Variants in RAB38 observed in about 807,000 individuals in gnomAD.
RAB38 encodes the protein ras-related protein Rab-38.
A neutral mutation model predicts 18.4 loss-of-function variants in RAB38; 15 were observed. The ratio of observed to expected loss-of-function variants is 0.82; its 90% CI spans 0.55 to 1.26. The LOEUF (loss-of-function observed/expected upper bound fraction) is 1.26. RAB38 is among the 50% of genes most tolerant of loss of function. The pLI is 0.00. For missense variants in RAB38, 294 were observed against 267.4 expected (o/e 1.10, Z -0.69); for synonymous variants, 101 against 104.4 (o/e 0.97, Z 0.20).
At chr11:88,052,925 T>TGTATATTTC in the RAB38 span, among the ~76,000 whole-genome samples, 1 of 25,084 alleles carries the variant, frequency 4.0e-5, no homozygotes, top group African/African-American at 2.4e-4. Flanking sequence ...TATATATATA[T>TGTATATTTC]ATATATATAT....
chr11:87,868,108 A>G, the RAB38 span, among the ~76,000 whole-genome samples: 1 of 151,686 alleles, frequency 6.6e-6, no homozygotes, highest in Non-Finnish European at 1.5e-5. Context: ...GTCCCTGAAA[A>G]TCTCATGTTG....
the RAB38 span, among the ~76,000 whole-genome samples, chr11:88,091,480 C>T: frequency 1.3e-5 from 2 of 151,986 alleles, no homozygotes; most frequent in Non-Finnish European, 2.9e-5. Context: ...CCATCTCTCA[C>T]CAATTGCCAC....
the RAB38 span, among the ~76,000 whole-genome samples, chr11:88,043,826 G>C: frequency 6.6e-6 from 1 of 152,172 alleles, no homozygotes; most frequent in African/African-American, 2.4e-5. Context: ...GCTGGGATCA[G>C]GGGACCTCCC....
At chr11:87,914,097 T>C in the RAB38 span, among the ~76,000 whole-genome samples, 3 of 151,770 alleles carry the variant, frequency 2.0e-5, no homozygotes, top group Admixed American at 6.6e-5. Flanking sequence ...TGAGCAAAGG[T>C]TGAAAGAGTT....
the RAB38 span, among the ~76,000 whole-genome samples, chr11:87,808,286 G>T: frequency 9.9e-5 from 15 of 152,124 alleles, no homozygotes; most frequent in Non-Finnish European, 1.6e-4. Context: ...TTTCACAATA[G>T]CCATGATATG....
the RAB38 span, among the ~76,000 whole-genome samples, chr11:88,045,606 T>G: frequency 6.6e-6 from 1 of 152,216 alleles, no homozygotes; most frequent in African/African-American, 2.4e-5. Context: ...CCCCTGGAAC[T>G]CTGGCCCAAG....
chr11:87,806,037 A>G, the RAB38 span, among the ~76,000 whole-genome samples: 174 of 152,222 alleles, frequency 1.1e-3, 13 homozygotes. Flanking sequence ...AAGTTTGACC[A>G]AAAACTGGCT....
At chr11:87,967,911 T>G in the RAB38 span, among the ~76,000 whole-genome samples, 1 of 152,074 alleles carries the variant, frequency 6.6e-6, no homozygotes, top group East Asian at 1.9e-4. Flanking sequence ...CGGGAGGTGT[T>G]GGGTGTGTAT....
chr11:87,866,173 G>C, the RAB38 span, among the ~76,000 whole-genome samples: 1 of 151,638 alleles, frequency 6.6e-6, no homozygotes, highest in Admixed American at 6.6e-5. Context: ...AGAGTGTGGG[G>C]CATAGGGGAT....
chr11:88,055,777 A>T, the RAB38 span, among the ~76,000 whole-genome samples: 1 of 152,230 alleles, frequency 6.6e-6, no homozygotes, highest in African/African-American at 2.4e-5. Context: ...AAGATGAACA[A>T]GGCAGCAAAT....
At chr11:87,814,738 TTC>T in the RAB38 span, among the ~76,000 whole-genome samples, 10 of 151,482 alleles carry the variant, frequency 6.6e-5, 2 homozygotes, top group Non-Finnish European at 7.4e-5. Flanking sequence ...CTTTTTCTTT[TTC>T]TTTTTTTTTT....
At chr11:88,095,518 A>T in the RAB38 span, among the ~76,000 whole-genome samples, 1 of 151,806 alleles carries the variant, frequency 6.6e-6, no homozygotes, top group African/African-American at 2.4e-5. Flanking sequence ...TCATTCTTCT[A>T]TGCTATTCCT....
chr11:87,969,665 A>G, the RAB38 span, among the ~76,000 whole-genome samples: 7,462 of 152,258 alleles, frequency 0.049, 232 homozygotes, highest in East Asian at 0.13. Context: ...TCGGGAAATT[A>G]TATTTATCTA....
chr11:87,837,975 C>G, the RAB38 span, among the ~76,000 whole-genome samples: 38 of 152,144 alleles, frequency 2.5e-4, no homozygotes, highest in African/African-American at 9.2e-4. Context: ...CTTAAGCAAT[C>G]AGAGTTTAAC....
chr11:88,150,408 C>T (rs1943050218), intron 1 of RAB38, among the ~76,000 whole-genome samples: 1 of 152,148 alleles, frequency 6.6e-6, no homozygotes, highest in Admixed American at 6.5e-5. Flanking sequence ...GATTGGGCAA[C>T]ACTGTTCTAA....
chr11:88,083,368 A>G, the RAB38 span, among the ~76,000 whole-genome samples: 703 of 152,050 alleles, frequency 4.6e-3, 3 homozygotes, highest in African/African-American at 0.016. Flanking sequence ...AGAACATTTT[A>G]ACATCTCTGA....
the RAB38 span, among the ~76,000 whole-genome samples, chr11:88,009,774 G>A: frequency 1.3e-5 from 2 of 152,110 alleles, no homozygotes; most frequent in East Asian, 3.9e-4. Context: ...GGGTTTCATT[G>A]TGGCTGACAC....
At chr11:88,077,044 G>GC in the RAB38 span, among the ~76,000 whole-genome samples, 94 of 127,090 alleles carry the variant, frequency 7.4e-4, 1 homozygote, top group Middle Eastern at 4.1e-3. Context: ...AAGCAAGCAA[G>GC]AAAAGAAAAA....
At chr11:88,130,807 G>A (rs1942758601) in intron 2 of RAB38, among the ~76,000 whole-genome samples, 1 of 152,102 alleles carries the variant, frequency 6.6e-6, no homozygotes, top group South Asian at 2.1e-4. Flanking sequence ...CAGAAGATTG[G>A]ATGAAGTCAT....
Sources: gnomAD v4.1 joint callset for allele counts (sites outside exome capture counted in the v4.1 genomes callset) on GRCh38, gnomAD v4.1.1 for gene constraint, MANE v1.5 for transcripts, NCBI Gene and HGNC (gene_info 2026-07-23, HGNC 2026-07-21) for gene names.